Variants in MCU observed in about 807,000 individuals in gnomAD.
The protein encoded by MCU is mitochondrial calcium uniporter, also known as calcium uniporter protein, mitochondrial.
Under a neutral mutation model 45.2 loss-of-function variants are expected in MCU, and 12 were observed. That is an observed-to-expected ratio of 0.27 (90% confidence interval 0.17 to 0.43). The LOEUF (loss-of-function observed/expected upper bound fraction) is 0.43. Ranked by LOEUF, MCU falls within the 20% of genes least tolerant of loss-of-function variation. The probability of loss-of-function intolerance (pLI) is 1.00; values close to 1 mark genes in which losing one functional copy is unlikely to be tolerated. For missense variants in MCU, 324 were observed against 436.7 expected (o/e 0.74, Z 2.30); for synonymous variants, 160 against 165.1 (o/e 0.97, Z 0.24).
intron 1 of MCU, among the ~76,000 whole-genome samples, chr10:72,695,222 A>G (rs1037276446): frequency 2.6e-5 from 4 of 152,206 alleles, no homozygotes; most frequent in African/African-American, 9.7e-5. Context: ...GCTATGCTGA[A>G]TTACTACATC....
chr10:72,715,254 G>A, intron 1 of MCU: 1 of 813,442 alleles, frequency 1.2e-6, no homozygotes, highest in Non-Finnish European at 1.5e-6. Context: ...TATTTGGCAT[G>A]GTTTTTGCTT....
At chr10:72,759,590 T>C (rs1343288755) in intron 1 of MCU, among the ~76,000 whole-genome samples, 1 of 152,172 alleles carries the variant, frequency 6.6e-6, no homozygotes, top group East Asian at 1.9e-4. Flanking sequence ...TCTATGAAAT[T>C]TGTTTTAAAA....
chr10:72,799,676 G>A (rs1246506332), intron 1 of MCU, among the ~76,000 whole-genome samples: 11 of 151,574 alleles, frequency 7.3e-5, no homozygotes, highest in African/African-American at 2.7e-4. Context: ...ATTAGATACT[G>A]CTAAATCTCT....
chr10:72,854,040 A>G (rs1010311268), intron 2 of MCU, among the ~76,000 whole-genome samples: 1 of 152,106 alleles, frequency 6.6e-6, no homozygotes, highest in African/African-American at 2.4e-5. Context: ...AGGCTGAGGC[A>G]GGAGAATCGC....
chr10:72,734,066 T>TA (rs1442231416), intron 1 of MCU, among the ~76,000 whole-genome samples: 1 of 152,080 alleles, frequency 6.6e-6, no homozygotes, highest in Non-Finnish European at 1.5e-5. Context: ...GCAGAATCTA[T>TA]AAAAACTGAT....
At chr10:72,885,686 A>G in intron 7 of MCU, 59 bp from the exon 8 acceptor site, 1 of 1,040,344 alleles carries the variant, frequency 9.6e-7, no homozygotes, top group Non-Finnish European at 1.5e-6. Flanking sequence ...TTCTTGGTAG[A>G]CAGTAATATC....
intron 1 of MCU, among the ~76,000 whole-genome samples, chr10:72,786,261 G>A (rs1844069889): frequency 6.6e-6 from 1 of 152,044 alleles, no homozygotes; most frequent in South Asian, 2.1e-4. Context: ...AACATAGAGT[G>A]AGAAGTTACT....
chr10:72,728,520 A>G (rs550258181), intron 1 of MCU, among the ~76,000 whole-genome samples: 1 of 152,338 alleles, frequency 6.6e-6, no homozygotes, highest in African/African-American at 2.4e-5. Flanking sequence ...ATCCATGTAA[A>G]GATACGAGTG....
intron 1 of MCU, among the ~76,000 whole-genome samples, chr10:72,714,007 TCCAG>T (rs1488307594): frequency 4.0e-5 from 6 of 148,726 alleles, no homozygotes. Context: ...CGCTTTGTCG[TCCAG>T]CCTGGAGTGC....
At chr10:72,848,535 A>G (rs551542605) in intron 2 of MCU, among the ~76,000 whole-genome samples, 34 of 152,300 alleles carry the variant, frequency 2.2e-4, no homozygotes, top group African/African-American at 8.2e-4. Context: ...GTTATGGGGC[A>G]GAGCCTTCAT....
intron 1 of MCU, among the ~76,000 whole-genome samples, chr10:72,823,817 T>TG (rs1272866804): frequency 6.6e-6 from 1 of 152,196 alleles, no homozygotes; most frequent in African/African-American, 2.4e-5. Flanking sequence ...CCCAGCACTT[T>TG]GGGAGGCCGA....
At chr10:72,694,928 A>G (rs1462477498) in intron 1 of MCU, among the ~76,000 whole-genome samples, 1 of 152,222 alleles carries the variant, frequency 6.6e-6, no homozygotes, top group Non-Finnish European at 1.5e-5. Flanking sequence ...TATGTCATTC[A>G]ACTGAGTAAA....
chr10:72,826,880 A>G (rs573502776), intron 1 of MCU, among the ~76,000 whole-genome samples: 3 of 152,336 alleles, frequency 2.0e-5, no homozygotes, highest in South Asian at 2.1e-4. Flanking sequence ...CAAGACGTAA[A>G]TCATCCCACG....
At chr10:72,734,567 A>G (rs1466766849) in intron 1 of MCU, among the ~76,000 whole-genome samples, 1 of 152,158 alleles carries the variant, frequency 6.6e-6, no homozygotes, top group African/African-American at 2.4e-5. Flanking sequence ...TTGAAAATTT[A>G]AAGTTAAGAT....
intron 1 of MCU, among the ~76,000 whole-genome samples, chr10:72,787,730 T>C (rs1844096474): frequency 6.7e-6 from 1 of 149,154 alleles, no homozygotes; most frequent in South Asian, 2.1e-4. Flanking sequence ...TTTTTTGTTT[T>C]TTTTTTGAGA....
chr10:72,704,047 G>GA (rs1406132969), intron 1 of MCU, among the ~76,000 whole-genome samples: 3 of 152,158 alleles, frequency 2.0e-5, no homozygotes, highest in Non-Finnish European at 4.4e-5. Context: ...GCCATAGTTT[G>GA]AAAAAATACT....
intron 1 of MCU, among the ~76,000 whole-genome samples, chr10:72,796,088 ACT>A (rs2132771004): frequency 6.6e-6 from 1 of 152,150 alleles, no homozygotes; most frequent in Non-Finnish European, 1.5e-5. Flanking sequence ...CCAGGTCCAT[ACT>A]CTCAGAACCA....
intron 1 of MCU, among the ~76,000 whole-genome samples, chr10:72,722,105 G>A (rs997961730): frequency 6.6e-5 from 10 of 152,046 alleles, no homozygotes; most frequent in African/African-American, 2.4e-4. Flanking sequence ...AAGATAAATT[G>A]GGTTTATAGG....
At chr10:72,755,699 G>A (rs949871837) in intron 1 of MCU, among the ~76,000 whole-genome samples, 2 of 152,142 alleles carry the variant, frequency 1.3e-5, no homozygotes, top group African/African-American at 4.8e-5. Context: ...CAATTTGAAC[G>A]GCGGAAGCAT....
Sources: allele counts gnomAD v4.1 joint callset (sites outside exome capture counted in the v4.1 genomes callset), GRCh38; gene constraint gnomAD v4.1.1; transcripts MANE v1.5; gene names NCBI Gene and HGNC (gene_info 2026-07-23, HGNC 2026-07-21).